DLG2: variants seen among roughly 807,000 people sequenced by gnomAD.
DLG2 encodes the protein discs large MAGUK scaffold protein 2.
Under a neutral mutation model 132.5 loss-of-function variants are expected in DLG2, and 45 were observed. That is an observed-to-expected ratio of 0.34 (90% confidence interval 0.27 to 0.44). DLG2 has a LOEUF of 0.44. Among genes scored for constraint, DLG2 ranks in the 20% least tolerant of loss-of-function variants. The pLI, the probability that DLG2 is intolerant of heterozygous loss-of-function variation, is 1.00. For synonymous variants in DLG2, 424 were observed against 419.6 expected (o/e 1.01, Z -0.13); for missense variants, 1,045 against 1,196.9 (o/e 0.87, Z 1.87).
intron 7 of DLG2, among the ~76,000 whole-genome samples, chr11:84,524,326 C>G (rs1156850573): frequency 6.6e-6 from 1 of 152,180 alleles, no homozygotes; most frequent in Non-Finnish European, 1.5e-5. Flanking sequence ...TTTTCAATAT[C>G]TGGCCTAAAT....
chr11:83,676,582 T>A (rs1218699000), intron 18 of DLG2, among the ~76,000 whole-genome samples: 1 of 152,212 alleles, frequency 6.6e-6, no homozygotes, highest in Non-Finnish European at 1.5e-5. Context: ...TACTGGGAAA[T>A]AAACTTATCT....
intron 7 of DLG2, among the ~76,000 whole-genome samples, chr11:84,398,697 C>A (rs1034763006): frequency 6.6e-6 from 1 of 152,150 alleles, no homozygotes; most frequent in Admixed American, 6.5e-5. Context: ...ACCACACACT[C>A]CAGTGTGAAA....
chr11:84,391,444 A>G (rs1049598353), intron 7 of DLG2, among the ~76,000 whole-genome samples: 2 of 152,276 alleles, frequency 1.3e-5, no homozygotes, highest in African/African-American at 4.8e-5. Flanking sequence ...ATTTTTACCA[A>G]TAACCCAACC....
chr11:84,643,258 C>T (rs943633295), intron 6 of DLG2, among the ~76,000 whole-genome samples: 6 of 152,104 alleles, frequency 3.9e-5, no homozygotes, highest in African/African-American at 1.4e-4. Flanking sequence ...GAATTGGGCC[C>T]TTTTAGTGAA....
intron 2 of DLG2, among the ~76,000 whole-genome samples, chr11:85,621,946 G>A (rs1190480424): frequency 6.6e-6 from 1 of 152,198 alleles, no homozygotes; most frequent in Non-Finnish European, 1.5e-5. Flanking sequence ...ATGCTACAGA[G>A]AAATCTCTCA....
At chr11:85,154,055 C>T (rs1206399258) in intron 5 of DLG2, among the ~76,000 whole-genome samples, 1 of 143,348 alleles carries the variant, frequency 7.0e-6, no homozygotes, top group African/African-American at 2.6e-5. Context: ...TCCTTGCGAA[C>T]AGCCAGGAAG....
intron 21 of DLG2, among the ~76,000 whole-genome samples, chr11:83,495,478 A>C (rs549979420): frequency 6.6e-6 from 1 of 152,242 alleles, no homozygotes; most frequent in African/African-American, 2.4e-5. Flanking sequence ...CATTTTCTCA[A>C]CTTGAAGTTG....
intron 17 of DLG2, among the ~76,000 whole-genome samples, chr11:83,799,350 T>C (rs1362039756): frequency 6.6e-6 from 1 of 152,206 alleles, no homozygotes; most frequent in Non-Finnish European, 1.5e-5. Flanking sequence ...CCTGTGTTTA[T>C]GGGAGAACAA....
chr11:84,702,678 A>C (rs181255830), intron 6 of DLG2, among the ~76,000 whole-genome samples: 116 of 151,758 alleles, frequency 7.6e-4, no homozygotes, highest in African/African-American at 2.6e-3. Flanking sequence ...TTACTTCTGC[A>C]TTGAAACCTT....
At chr11:83,608,064 T>C (rs1176570270) in intron 19 of DLG2, among the ~76,000 whole-genome samples, 1 of 152,230 alleles carries the variant, frequency 6.6e-6, no homozygotes, top group Non-Finnish European at 1.5e-5. Flanking sequence ...TACATATACA[T>C]GCTTTTATTA....
intron 6 of DLG2, among the ~76,000 whole-genome samples, chr11:84,743,238 T>C (rs545925921): frequency 1.9e-4 from 29 of 152,284 alleles, no homozygotes; most frequent in Admixed American, 1.5e-3. Context: ...ACAGTTTATG[T>C]TATTCCTAAA....
At chr11:84,187,145 A>C (rs984153696) in intron 8 of DLG2, among the ~76,000 whole-genome samples, 2 of 150,178 alleles carry the variant, frequency 1.3e-5, no homozygotes, top group Non-Finnish European at 3.0e-5. Context: ...AGTATTATAT[A>C]TAAATAGAAA....
rs187693612 is a variant in DLG2, at chr11:85,266,590, C to T, written c.186+18630G>A. 1.4e-4 allele frequency among the ~76,000 whole-genome samples: 21 copies of T among 151,422 alleles called. 1 individual carries two copies. Among genetic ancestry groups the T allele is most frequent in the African/African-American group, 4.1e-4 (17 of 41,102 alleles). ...ATCCTGCATGTTCTGCACATGTATC[C>T]CAGAACTTAAAGTATAATTTAAAAA... On this transcript the variant is annotated intron_variant, in intron 4 of 27. Coordinates refer to ENST00000376104, the MANE Select transcript of DLG2 (RefSeq NM_001142699.3).
At chr11:83,843,444 C>T (rs1471101818) in intron 16 of DLG2, among the ~76,000 whole-genome samples, 1 of 152,156 alleles carries the variant, frequency 6.6e-6, no homozygotes, top group Non-Finnish European at 1.5e-5. Context: ...CTATCACTGC[C>T]TTTACTGTTC....
chr11:84,658,005 G>A lies in DLG2; in HGVS notation c.358-123274C>T, dbSNP rs776886943. Among the ~76,000 whole-genome samples, 58 of 152,144 alleles carry A rather than the reference G, an allele frequency of 3.8e-4. 1 individual carries two copies. Among genetic ancestry groups the A allele is most frequent in the Admixed American group, 1.2e-3 (18 of 15,258 alleles). ...CTGCCTTCTTGGAAGCTTTGGTATAGCAATCTGACTTATTTCTGGACAATG... is the reference window on the plus strand; with the variant it reads ...CTGCCTTCTTGGAAGCTTTGGTATAACAATCTGACTTATTTCTGGACAATG... On this transcript the variant is annotated intron_variant, in intron 6 of 27. Coordinates refer to ENST00000376104, the MANE Select transcript of DLG2 (RefSeq NM_001142699.3).
At chr11:83,470,965 G>A (rs1289627882) in intron 24 of DLG2, among the ~76,000 whole-genome samples, 6 of 151,748 alleles carry the variant, frequency 4.0e-5, no homozygotes, top group Admixed American at 3.3e-4. Flanking sequence ...GGGTGTAGAC[G>A]GGGTGAATGA....
chr11:85,456,811 T>G (rs1378674849), intron 3 of DLG2, among the ~76,000 whole-genome samples: 1 of 152,226 alleles, frequency 6.6e-6, no homozygotes, highest in Non-Finnish European at 1.5e-5. Flanking sequence ...TCTATTTTAT[T>G]GTACTGTGAT....
At chr11:83,480,782 A>AAATT (rs2093039858) in intron 22 of DLG2, 2 of 638,466 alleles carry the variant, frequency 3.1e-6, no homozygotes, top group East Asian at 5.5e-5. Context: ...TCTTGACTAT[A>AAATT]AATTCAGACG....
chr11:83,584,761 G>A (rs2097052454), intron 19 of DLG2, among the ~76,000 whole-genome samples: 1 of 152,194 alleles, frequency 6.6e-6, no homozygotes, highest in South Asian at 2.1e-4. Context: ...GGTGAGAATG[G>A]AGAAGGGGAC....
Sources: gnomAD v4.1 joint callset for allele counts (sites outside exome capture counted in the v4.1 genomes callset) on GRCh38, gnomAD v4.1.1 for gene constraint, MANE v1.5 for transcripts, NCBI Gene and HGNC (gene_info 2026-07-23, HGNC 2026-07-21) for gene names.